NBPF26: variants seen among roughly 807,000 people sequenced by gnomAD.
The protein encoded by NBPF26 is NBPF member 26.
In NBPF26, 79 loss-of-function variants were observed where a neutral mutation model predicts 119.6. That is an observed-to-expected ratio of 0.66 (90% CI 0.55 to 0.80). The LOEUF is 0.80. NBPF26 is among the 30% of genes least tolerant of loss of function. The pLI is 0.00. For missense variants in NBPF26, 800 were observed against 1,198.2 expected (o/e 0.67, Z 4.91); for synonymous variants, 299 against 457.7 (o/e 0.65, Z 4.43).
Position 120,724,202 on chromosome 1 carries a change from C to T in NBPF26, c.25C>T (p.Leu9=). 4 of 1,404,964 alleles carry T rather than the reference C, an allele frequency of 2.8e-6. 1 individual carries two copies. The Admixed American group carries it at 8.2e-5, about 29-fold the overall frequency. The allele number at this position is 1,404,964 out of a possible 1,614,324, so 87.0% of individuals were successfully genotyped here. ...GATGCCCGCCCTGCGTCCCGCTCTG[C>T]TGTGGGCGCTGCTGGCGCTCTGGCT... Residue 9 remains leucine (L), a synonymous_variant, in exon 1 of 30, where the codon CTG becomes TTG. Coordinates refer to ENST00000620612, the Ensembl canonical transcript of NBPF26.
At position 120,785,121 on chromosome 1, in the gene NBPF26, C is replaced by G. The variant is rs1413225798; in HGVS notation, c.303C>G (p.Cys101Trp). The stretch of plus-strand genomic sequence containing the variant: ...CCTCAGGGTTTACAGGAGAGGACTG[C>G]CAGTACTCGACACCTCATCCATGCT... Residue 101 changes from cysteine to tryptophan, a missense_variant, in exon 3 of 30, where the codon TGC (cysteine) becomes TGG (tryptophan). By Grantham distance (215) the Cys-to-Trp change is radical. Coordinates refer to ENST00000620612, the Ensembl canonical transcript of NBPF26. 13 of 1,446,234 alleles carry G rather than the reference C, an allele frequency of 9.0e-6. 2 individuals are homozygous for G. Among genetic ancestry groups the G allele is most frequent in the South Asian group, 3.6e-5 (3 of 83,170 alleles). The allele number at this position is 1,446,234 out of a possible 1,614,324, so 89.6% of individuals were successfully genotyped here.
In NBPF26 at chr1:120,840,402, C is replaced by G. The variant is rs1652489392; in HGVS notation, c.4156C>G (p.Leu1386Val). Residue 1386 changes from leucine to valine, a missense_variant, in exon 30 of 30, where the codon CTG (leucine) becomes GTG (valine). Leu to Val is a conservative substitution (Grantham distance 32). Coordinates refer to ENST00000620612, the Ensembl canonical transcript of NBPF26. ...AGAGCCTGAAGTCTTGCAGGACTCA[C>G]TGGATATATGTTATTCGACTCCGTC... 1.9e-5 allele frequency: 28 copies of G among 1,464,766 alleles called. 3 individuals carry two copies. The South Asian group carries it at 2.2e-4, about 12-fold the overall frequency. The allele number at this position is 1,464,766 out of a possible 1,614,324, so 90.7% of individuals were successfully genotyped here. A position where few individuals can be genotyped will look rare whatever the true frequency, so the allele number is the denominator to read the frequency against.
chr1:120,840,703 C>G, downstream of NBPF26: 1 of 1,250,644 alleles, frequency 8.0e-7, no homozygotes, highest in Non-Finnish European at 1.1e-6. Context: ...TAGGATGGTT[C>G]AGTGGGCATG....
chr1:120,824,950 G>A (rs1652224857), intron 18 of NBPF26, 33 bp downstream of exon 19: 3 of 485,802 alleles, frequency 6.2e-6, no homozygotes, highest in Admixed American at 7.5e-5. Flanking sequence ...GCTTAATTCT[G>A]TGTTGACACC....
chr1:120,801,869 G>A (rs1331051689), intron 4 of NBPF26, among the ~76,000 whole-genome samples: 1 of 95,336 alleles, frequency 1.0e-5, no homozygotes, highest in Non-Finnish European at 1.9e-5. Context: ...CACTTTAATA[G>A]TAAGAGGCCA....
chr1:120,778,565 TTTG>T (rs1225789699), intron 2 of NBPF26, among the ~76,000 whole-genome samples: 2 of 56,828 alleles, frequency 3.5e-5, no homozygotes, highest in East Asian at 7.9e-4. Context: ...GGGATTTTGC[TTTG>T]TTGTTGTTGT....
intron 3 of NBPF26, among the ~76,000 whole-genome samples, chr1:120,792,566 A>G (rs1254349228): frequency 3.6e-5 from 4 of 110,886 alleles, no homozygotes; most frequent in Non-Finnish European, 5.2e-5. Flanking sequence ...CAGTGGTACA[A>G]TCTCGGCTCA....
chr1:120,790,757 G>A (rs1651483915), intron 3 of NBPF26, among the ~76,000 whole-genome samples: 2 of 108,588 alleles, frequency 1.8e-5, no homozygotes, highest in Non-Finnish European at 3.4e-5. Flanking sequence ...GCGCTATGAA[G>A]CCCGGCTAAT....
intron 4 of NBPF26, among the ~76,000 whole-genome samples, chr1:120,805,199 C>G (rs1553269540): frequency 7.9e-6 from 1 of 126,234 alleles, no homozygotes; most frequent in Non-Finnish European, 1.6e-5. Context: ...TCAGGTGAGA[C>G]TAGGGTGCCT....
intron 2 of NBPF26, among the ~76,000 whole-genome samples, chr1:120,765,151 T>A (rs1349175539): frequency 8.2e-6 from 1 of 122,052 alleles, no homozygotes; most frequent in Non-Finnish European, 1.6e-5. Context: ...CTCATTTAGT[T>A]TTTCTAGCTG....
At position 120,804,537 on chromosome 1, in the gene NBPF26, A is replaced by G. The variant is rs1651630265; in HGVS notation, c.752-1019A>G. 8.6e-5 allele frequency among the ~76,000 whole-genome samples: 9 copies of G among 104,222 alleles called. 2 individuals are homozygous for G. In the South Asian group the frequency reaches 2.5e-3, roughly 29 times the overall value. 68.4% of individuals were successfully genotyped at this position (104,222 alleles called of 152,430 possible). A position where few individuals can be genotyped will look rare whatever the true frequency, so the allele number is the denominator to read the frequency against. On this transcript the variant is annotated intron_variant, in intron 4 of 29. Coordinates refer to ENST00000620612, the Ensembl canonical transcript of NBPF26. ...AACAACAAAATAGTATCAGGTTTAC[A>G]AAACTTCCCAAGATAGATGGTCACA...
Position 120,752,519 on chromosome 1 carries a change from A to AATATATAT in NBPF26, c.74-11080_74-11073dup, listed in dbSNP as rs1204399606. Among the ~76,000 whole-genome samples the AATATATAT allele has an allele frequency of 7.8e-3, 114 of 14,640 alleles. 2 individuals are homozygous for AATATATAT. Among genetic ancestry groups the AATATATAT allele is most frequent in the African/African-American group, 0.026 (56 of 2,146 alleles). The allele number at this position is 14,640 out of a possible 152,430, so 9.6% of individuals were successfully genotyped here. A position where few individuals can be genotyped will look rare whatever the true frequency, so the allele number is the denominator to read the frequency against. The stretch of plus-strand genomic sequence containing the variant: ...AAATAAATAAAAATTGAAGTTCAGG[A>AATATATAT]ATATATATATATATATATATATATA... On this transcript the variant is annotated intron_variant, in intron 1 of 29. Transcript: ENST00000620612.
chr1:120,809,982 A>G, intron 8 of NBPF26, 99 bp downstream of exon 8: 1 of 1,450,074 alleles, frequency 6.9e-7, no homozygotes, highest in Non-Finnish European at 9.4e-7. Flanking sequence ...AAAAGCCCAC[A>G]TCCCCTTGGC....
rs1312964858 is a variant in NBPF26 at position 120,730,552 on chromosome 1, G to A, written c.73+6302G>A. ...TGAGACGGGACAAACTGCATCACTG[G>A]TAGTGGTAGGAGGTTTGCCGTAGAT... On this transcript the variant is annotated intron_variant, in intron 1 of 29. Coordinates refer to ENST00000620612, the Ensembl canonical transcript of NBPF26. Among the ~76,000 whole-genome samples, 5 of 107,394 alleles carry A rather than the reference G, an allele frequency of 4.7e-5. 2 individuals carry two copies. Among genetic ancestry groups the A allele is most frequent in the African/African-American group, 1.2e-4 (2 of 16,688 alleles). The allele number at this position is 107,394 out of a possible 152,430, so 70.5% of individuals were successfully genotyped here. A position where few individuals can be genotyped will look rare whatever the true frequency, so the allele number is the denominator to read the frequency against.
intron 5 of NBPF26, among the ~76,000 whole-genome samples, chr1:120,806,131 C>T (rs1651677531): frequency 9.0e-6 from 1 of 111,698 alleles, no homozygotes; most frequent in East Asian, 2.1e-4. Context: ...ATGTCTAGGA[C>T]TAGTGAACTT....
chr1:120,724,144 G>A lies in NBPF26; in HGVS notation c.-34G>A. On this transcript the variant is annotated 5_prime_UTR_variant, in exon 1 of 30. Coordinates refer to ENST00000620612, the Ensembl canonical transcript of NBPF26. ...GATCTGCCCAGGCGGCGGCGGCGGC[G>A]GCGGCGGAGGAGGAGGAGGAGGCGA... 2.2e-6 allele frequency: 3 copies of A among 1,364,390 alleles called. 1 individual carries two copies. Among genetic ancestry groups the A allele is most frequent in the East Asian group, 5.2e-5 (2 of 38,732 alleles). 84.5% of individuals were successfully genotyped at this position (1,364,390 alleles called of 1,614,324 possible).
Position 120,764,224 on chromosome 1 carries a change from G to A in NBPF26, c.155+515G>A, listed in dbSNP as rs1414816714. Among the ~76,000 whole-genome samples, 2 of 114,954 alleles carry A rather than the reference G, an allele frequency of 1.7e-5. 1 individual carries two copies. Among genetic ancestry groups the A allele is most frequent in the Non-Finnish European group, 3.3e-5 (2 of 59,908 alleles). The allele number at this position is 114,954 out of a possible 152,430, so 75.4% of individuals were successfully genotyped here. A position where few individuals can be genotyped will look rare whatever the true frequency, so the allele number is the denominator to read the frequency against. ...ACCACATCATTGCACTCTAGCCTGG[G>A]TGACAGAGCAAGACTCCGTCTCAAA... On this transcript the variant is annotated intron_variant, in intron 2 of 29. Coordinates refer to ENST00000620612, the Ensembl canonical transcript of NBPF26.
chr1:120,823,657 T>G lies in NBPF26; in HGVS notation c.2639+297T>G, dbSNP rs1553272325. 3.2e-5 allele frequency among the ~76,000 whole-genome samples: 4 copies of G among 124,698 alleles called. 1 individual carries two copies. Among genetic ancestry groups the G allele is most frequent in the African/African-American group, 7.6e-5 (2 of 26,292 alleles). The allele number at this position is 124,698 out of a possible 152,430, so 81.8% of individuals were successfully genotyped here. ...AAAATTATTGAGGACATGCTTTTCA[T>G]GATCACTGTTCACTGTGTGTCCTGA... On this transcript the variant is annotated intron_variant, in intron 17 of 29. Transcript: ENST00000620612.
rs1446353375 is a variant in NBPF26, at chr1:120,819,156, G to T, written c.2423+982G>T. Reference sequence around the variant, plus strand: ...CTCAGGACTTGCTTTATGAATCTGGGTGCTCCTGTTTAGGGTGCATATATA... The same window carrying T: ...CTCAGGACTTGCTTTATGAATCTGGTTGCTCCTGTTTAGGGTGCATATATA... On this transcript the variant is annotated intron_variant, in intron 15 of 29. Transcript: ENST00000620612. Among the ~76,000 whole-genome samples, 3 of 124,766 alleles carry T rather than the reference G, an allele frequency of 2.4e-5. 1 individual carries two copies. Among genetic ancestry groups the T allele is most frequent in the Non-Finnish European group, 4.9e-5 (3 of 61,204 alleles). The allele number at this position is 124,766 out of a possible 152,430, so 81.9% of individuals were successfully genotyped here.
Sources: gnomAD v4.1 joint callset for allele counts (sites outside exome capture counted in the v4.1 genomes callset) on GRCh38, gnomAD v4.1.1 for gene constraint, MANE v1.5 for transcripts, NCBI Gene and HGNC (gene_info 2026-07-23, HGNC 2026-07-21) for gene names.